MSH4: variants seen among roughly 807,000 people sequenced by gnomAD.
MSH4 encodes the protein mutS protein homolog 4.
In MSH4, 106 loss-of-function variants were observed where a neutral mutation model predicts 113.7. The observed-to-expected ratio is 0.93, with a 90% CI of 0.80 to 1.10. MSH4 has a LOEUF of 1.10. Ranked by LOEUF, MSH4 falls within the 50% of genes least tolerant of loss-of-function variation. The pLI, the probability that MSH4 is intolerant of heterozygous loss-of-function variation, is 0.00. For synonymous variants in MSH4, 368 were observed against 380.2 expected, an observed-to-expected ratio of 0.97 and a Z score of 0.37; for missense variants, 1,061 against 1,093.7, an observed-to-expected ratio of 0.97 and a Z score of 0.42.
At chr1:75,837,618 C>G (rs1162615365) in intron 7 of MSH4, among the ~76,000 whole-genome samples, 1 of 152,094 alleles carries the variant, frequency 6.6e-6, no homozygotes, top group Non-Finnish European at 1.5e-5. Context: ...AAACTCCTGA[C>G]CTCAGGTGAT....
At chr1:75,905,710 T>G (rs1652611302) in intron 19 of MSH4, among the ~76,000 whole-genome samples, 1 of 152,162 alleles carries the variant, frequency 6.6e-6, no homozygotes, top group Admixed American at 6.5e-5. Context: ...GAATTTTTGC[T>G]TTACATATTT....
chr1:75,824,057 C>T (rs996094813), intron 7 of MSH4, among the ~76,000 whole-genome samples: 1 of 152,156 alleles, frequency 6.6e-6, no homozygotes, highest in Non-Finnish European at 1.5e-5. Context: ...GCCACACTGT[C>T]TTCCACAATG....
At chr1:75,862,305 G>T (rs1470573034) in intron 8 of MSH4, among the ~76,000 whole-genome samples, 1 of 152,148 alleles carries the variant, frequency 6.6e-6, no homozygotes, top group African/African-American at 2.4e-5. Flanking sequence ...TGTCCAAGCA[G>T]TCCCAGTGAG....
chr1:75,870,539 G>A (rs1336015361), intron 9 of MSH4, among the ~76,000 whole-genome samples: 4 of 152,076 alleles, frequency 2.6e-5, no homozygotes, highest in Admixed American at 2.6e-4. Context: ...TTGAATCATA[G>A]GGCAGTTTCC....
At chr1:75,854,245 A>G (rs1378994478) in intron 8 of MSH4, among the ~76,000 whole-genome samples, 4 of 151,694 alleles carry the variant, frequency 2.6e-5, no homozygotes, top group Admixed American at 1.3e-4. Context: ...TTCTTAATAT[A>G]TTAATATATT....
chr1:75,821,299 A>G (rs2100519404), intron 6 of MSH4, among the ~76,000 whole-genome samples: 1 of 152,306 alleles, frequency 6.6e-6, no homozygotes, highest in East Asian at 1.9e-4. Flanking sequence ...CTGCTCCTGA[A>G]TGACTACTGG....
chr1:75,858,594 A>T (rs1271518233), intron 8 of MSH4, among the ~76,000 whole-genome samples: 1 of 152,086 alleles, frequency 6.6e-6, no homozygotes, highest in South Asian at 2.1e-4. Flanking sequence ...GTTGAACCAG[A>T]CTCGCATCCC....
chr1:75,907,795 C>T (rs1254182865), intron 19 of MSH4, among the ~76,000 whole-genome samples: 2 of 147,320 alleles, frequency 1.4e-5, no homozygotes, highest in African/African-American at 2.5e-5. Context: ...TGGCTTACTG[C>T]AACCTCCGCT....
intron 17 of MSH4, among the ~76,000 whole-genome samples, chr1:75,897,694 A>G (rs1307225716): frequency 6.6e-6 from 1 of 152,138 alleles, no homozygotes; most frequent in Non-Finnish European, 1.5e-5. Context: ...TCTGTGCACA[A>G]ACATAATAAA....
chr1:75,910,368 A>G (rs958602757), intron 19 of MSH4, among the ~76,000 whole-genome samples: 9 of 151,720 alleles, frequency 5.9e-5, no homozygotes, highest in South Asian at 2.1e-4. Context: ...TCTCTCCTGG[A>G]TATTTTCATT....
In MSH4 at chr1:75,912,672, ATATT is replaced by A. The variant is rs571295326; in HGVS notation, c.2620-22_2620-19del. 6,750 of 1,234,650 alleles carry A rather than the reference ATATT, an allele frequency of 5.5e-3. 131 individuals carry two copies. In the African/African-American group the frequency reaches 0.06, roughly 11 times the overall value. 76.5% of individuals were successfully genotyped at this position (1,234,650 alleles called of 1,614,324 possible). On this transcript the variant is annotated intron_variant, in intron 19 of 19. Coordinates refer to ENST00000263187, the MANE Select transcript of MSH4 (RefSeq NM_002440.4). ...TTATGGTATTTGTGTATATATATAT[ATATT>A]TTTTTTTTTTCAATGACAGCAAAAC...
intron 7 of MSH4, among the ~76,000 whole-genome samples, chr1:75,827,712 C>T (rs1258976194): frequency 6.6e-6 from 1 of 150,518 alleles, no homozygotes; most frequent in Non-Finnish European, 1.5e-5. Context: ...CAATCCTAGT[C>T]TCTGATAAAA....
intron 19 of MSH4, among the ~76,000 whole-genome samples, chr1:75,904,134 T>G (rs1368626153): frequency 2.0e-5 from 3 of 152,196 alleles, no homozygotes; most frequent in Non-Finnish European, 4.4e-5. Flanking sequence ...ACATGGTTTT[T>G]GTCCTTGATT....
chr1:75,871,248 T>C (rs910386556), intron 9 of MSH4, among the ~76,000 whole-genome samples: 3 of 152,180 alleles, frequency 2.0e-5, no homozygotes, highest in African/African-American at 7.2e-5. Context: ...TGAGGGAAAC[T>C]GCCCACATTA....
At position 75,912,727 on chromosome 1, in the gene MSH4, G is replaced by T; in HGVS notation, c.2651G>T (p.Arg884Ile). 1 of 1,557,732 alleles carries T rather than the reference G, an allele frequency of 6.4e-7. No homozygotes were observed. Among genetic ancestry groups the T allele is most frequent in the Non-Finnish European group, 8.6e-7 (1 of 1,157,668 alleles). Reference sequence around the variant, plus strand: ...CAAAGGAGTACCCCTGAGATGGAAAGACAGAGAGCTGTGTACCATCTAGCC... The same window carrying T: ...CAAAGGAGTACCCCTGAGATGGAAATACAGAGAGCTGTGTACCATCTAGCC... ...QNQRSTPEME[R>I]QRAVYHLATR... The change falls in exon 20 of 20, where the codon AGA (arginine) becomes ATA (isoleucine). Residue 884 changes from arginine (R) to isoleucine (I), a missense_variant. Arg to Ile is a moderately conservative substitution (Grantham distance 97). Transcript: ENST00000263187.
intron 6 of MSH4, 37 bp downstream of exon 6, chr1:75,816,583 G>GTA: frequency 6.8e-6 from 8 of 1,183,374 alleles, no homozygotes; most frequent in Middle Eastern, 2.5e-4. Flanking sequence ...AAATATATCG[G>GTA]TATATATATA....
At chr1:75,826,365 A>G (rs1039544208) in intron 7 of MSH4, among the ~76,000 whole-genome samples, 1 of 151,650 alleles carries the variant, frequency 6.6e-6, no homozygotes, top group African/African-American at 2.4e-5. Context: ...TTTCTTCTTT[A>G]TTAGTCTGCA....
chr1:75,875,011 G>A (rs1371934041), intron 9 of MSH4, among the ~76,000 whole-genome samples: 1 of 152,026 alleles, frequency 6.6e-6, no homozygotes. Flanking sequence ...TCCCACCTCA[G>A]CCTCCTGAGT....
At chr1:75,878,887 A>T in intron 11 of MSH4, 105 bp from the exon 12 acceptor site, 1 of 1,052,090 alleles carries the variant, frequency 9.5e-7, no homozygotes, top group Non-Finnish European at 1.3e-6. Flanking sequence ...TTTATGTATA[A>T]AATAAGAATT....
Sources: allele counts gnomAD v4.1 joint callset (sites outside exome capture counted in the v4.1 genomes callset), GRCh38; gene constraint gnomAD v4.1.1; transcripts MANE v1.5; gene names NCBI Gene and HGNC (gene_info 2026-07-23, HGNC 2026-07-21).